ZCCHC2: variants seen among roughly 807,000 people sequenced by gnomAD.
ZCCHC2 encodes zinc finger CCHC domain-containing protein 2.
A neutral mutation model predicts 103.6 loss-of-function variants in ZCCHC2; 39 were observed. The ratio of observed to expected loss-of-function variants is 0.38; its 90% CI spans 0.29 to 0.49. The LOEUF (loss-of-function observed/expected upper bound fraction) is 0.49. ZCCHC2 is among the 20% of genes least tolerant of loss of function. ZCCHC2 has a pLI of 0.96. For synonymous variants in ZCCHC2, 687 were observed against 608.9 expected, an observed-to-expected ratio of 1.13 and a Z score of -1.89; for missense variants, 1,483 against 1,491.0, an observed-to-expected ratio of 0.99 and a Z score of 0.09.
At chr18:62,573,322 C>T (rs1456048333) in intron 12 of ZCCHC2, among the ~76,000 whole-genome samples, 1 of 152,050 alleles carries the variant, frequency 6.6e-6, no homozygotes, top group African/African-American at 2.4e-5. Context: ...GTCAGGACAT[C>T]CCCTGAAGGC....
intron 1 of ZCCHC2, among the ~76,000 whole-genome samples, chr18:62,533,193 C>A (rs367695072): frequency 6.6e-6 from 1 of 152,296 alleles, no homozygotes; most frequent in East Asian, 1.9e-4. Context: ...ATTGCTCAGT[C>A]ATAATTTCCT....
In ZCCHC2 at chr18:62,574,584, C is replaced by A; in HGVS notation, c.2503C>A (p.Pro835Thr). 6.2e-7 allele frequency: 1 copy of A among 1,614,016 alleles called. No individual in the cohort carries two copies. The highest frequency in any genetic ancestry group is 1.7e-5 in the Admixed American group (1 of 60,028). The part of the protein sequence containing the change: ...ESCTVNIPQQ[P>T]PGSLSIASPN... ...CTGCACAGTTAACATCCCACAACAA[C>A]CACCCGGAAGCCTGAGCATCGCATC... Residue 835 changes from proline to threonine, a missense_variant, in exon 13 of 14, where the codon CCA (proline) becomes ACA (threonine). Pro to Thr is a conservative substitution (Grantham distance 38). Around this residue, in one of 3 missense-constraint regions of ZCCHC2, gnomAD observed 884 missense variants for 907.5 expected, o/e 0.97. Coordinates refer to ENST00000269499, the MANE Select transcript of ZCCHC2 (RefSeq NM_017742.6).
At chr18:62,562,256 C>T (rs1916149335) in intron 8 of ZCCHC2, among the ~76,000 whole-genome samples, 1 of 152,092 alleles carries the variant, frequency 6.6e-6, no homozygotes, top group Non-Finnish European at 1.5e-5. Context: ...CCCACCTCAG[C>T]CTCCCAAAGT....
At chr18:62,557,308 A>G (rs1915929804) in intron 6 of ZCCHC2, among the ~76,000 whole-genome samples, 1 of 152,152 alleles carries the variant, frequency 6.6e-6, no homozygotes, top group Non-Finnish European at 1.5e-5. Flanking sequence ...GGCAAGGAAC[A>G]TTTTTCTTTT....
chr18:62,574,685 C>T lies in ZCCHC2; in HGVS notation c.2604C>T (p.Ile868=). 4 of 1,614,028 alleles carry T rather than the reference C, an allele frequency of 2.5e-6. No individual in the cohort carries two copies. The highest frequency in any genetic ancestry group is 3.4e-6 in the Non-Finnish European group (4 of 1,179,900). ...CTCCTGTTGCTACCACGGACCCCAT[C>T]ACAAAATCTGCATCCCAAGTGGTAG... The part of the protein sequence containing the change: ...PGSPVATTDP[I]TKSASQVVGL... Residue 868 remains isoleucine, a synonymous_variant, in exon 13 of 14, where the codon ATC becomes ATT. Transcript: ENST00000269499.
At position 62,574,736 on chromosome 18, in the gene ZCCHC2, T is replaced by A. The variant is rs751313881; in HGVS notation, c.2655T>A (p.Ile885=). 1 of 1,613,954 alleles carries A rather than the reference T, an allele frequency of 6.2e-7. No individual in the cohort carries two copies. Among genetic ancestry groups the A allele is most frequent in the Admixed American group, 1.7e-5 (1 of 60,018 alleles). The change falls in exon 13 of 14, where the codon ATT becomes ATA. Residue 885 remains isoleucine, a synonymous_variant. Coordinates refer to ENST00000269499, the MANE Select transcript of ZCCHC2 (RefSeq NM_017742.6). Reference sequence around the variant, plus strand: ...GACTCAATCAAATGGTGCCTCAAATTGAGGGAAACACAGGGACAGTCCCTC... The same window carrying A: ...GACTCAATCAAATGGTGCCTCAAATAGAGGGAAACACAGGGACAGTCCCTC... ...VVGLNQMVPQ[I]EGNTGTVPQP...
chr18:62,555,719 A>G (rs959409906), intron 5 of ZCCHC2, among the ~76,000 whole-genome samples: 5 of 152,182 alleles, frequency 3.3e-5, no homozygotes, highest in Admixed American at 1.3e-4. Context: ...GAGACAGGAG[A>G]ATAGCTTGAA....
intron 11 of ZCCHC2, among the ~76,000 whole-genome samples, chr18:62,566,973 T>C (rs537670339): frequency 6.6e-6 from 1 of 152,322 alleles, no homozygotes; most frequent in South Asian, 2.1e-4. Context: ...CAAACTCCCA[T>C]TCATTTTTTT....
Position 62,556,314 on chromosome 18 carries a change from C to G in ZCCHC2, c.1408+17C>G. The G allele has an allele frequency of 1.3e-6, 2 of 1,540,594 alleles. No homozygotes were observed. The highest frequency in any genetic ancestry group is 1.8e-6 in the Non-Finnish European group (2 of 1,136,622). Reference sequence around the variant, plus strand: ...ACAGTATCAGTAAGCATCCTCTGTCCCTCTGTGGAAATCTTTTTTCTTTGT... The same window carrying G: ...ACAGTATCAGTAAGCATCCTCTGTCGCTCTGTGGAAATCTTTTTTCTTTGT... On this transcript the variant is annotated intron_variant, in intron 6 of 13. Coordinates refer to ENST00000269499, the MANE Select transcript of ZCCHC2 (RefSeq NM_017742.6).
chr18:62,578,445 C>G lies in ZCCHC2; in HGVS notation c.*1866C>G, dbSNP rs2058065522. On this transcript the variant is annotated 3_prime_UTR_variant, in exon 14 of 14. Coordinates refer to ENST00000269499, the MANE Select transcript of ZCCHC2 (RefSeq NM_017742.6). Reference sequence around the variant, plus strand: ...TACATAGGAGGTATGTTACCTTCTCCTTATTTGTATGTTTACCATATACTT... The same window carrying G: ...TACATAGGAGGTATGTTACCTTCTCGTTATTTGTATGTTTACCATATACTT... 6.6e-6 allele frequency: 1 copy of G among 152,488 alleles called. No individual in the cohort carries two copies. Among genetic ancestry groups the G allele is most frequent in the Non-Finnish European group, 1.5e-5 (1 of 68,016 alleles). 9.4% of individuals were successfully genotyped at this position (152,488 alleles called of 1,614,324 possible). A position where few individuals can be genotyped will look rare whatever the true frequency, so the allele number is the denominator to read the frequency against.
At position 62,576,841 on chromosome 18, in the gene ZCCHC2, G is replaced by T; in HGVS notation, c.*262G>T. The T allele has an allele frequency of 4.1e-6, 1 of 244,006 alleles. No individual in the cohort carries two copies. Among genetic ancestry groups the T allele is most frequent in the Non-Finnish European group, 6.9e-6 (1 of 144,080 alleles). The allele number at this position is 244,006 out of a possible 1,614,324, so 15.1% of individuals were successfully genotyped here. A position where few individuals can be genotyped will look rare whatever the true frequency, so the allele number is the denominator to read the frequency against. On this transcript the variant is annotated 3_prime_UTR_variant, in exon 14 of 14. Coordinates refer to ENST00000269499, the MANE Select transcript of ZCCHC2 (RefSeq NM_017742.6). ...TTCAGACAAACTTAAATGTTGGTGC[G>T]TGCTTTTTTTTTTTTTTTTACACTG...
In ZCCHC2 at chr18:62,543,677, G is replaced by T. The variant is rs534497651; in HGVS notation, c.1128+1103G>T. On this transcript the variant is annotated intron_variant, in intron 3 of 13. Transcript: ENST00000269499. ...CTGGCTCTAAAGCTCCCTCCTCCGA[G>T]ATCCTTCTTGACACCCCAGTTCATG... Among the ~76,000 whole-genome samples, 207 of 152,246 alleles carry T rather than the reference G, an allele frequency of 1.4e-3. 1 individual carries two copies. The highest frequency in any genetic ancestry group is 4.8e-3 in the African/African-American group (200 of 41,540).
intron 8 of ZCCHC2, among the ~76,000 whole-genome samples, chr18:62,561,899 T>A (rs1916131318): frequency 1.3e-5 from 2 of 152,196 alleles, no homozygotes; most frequent in African/African-American, 4.8e-5. Context: ...GCTTTTTACT[T>A]CTTCAAATAT....
chr18:62,572,115 T>C (rs964746659), intron 12 of ZCCHC2, among the ~76,000 whole-genome samples: 2 of 152,204 alleles, frequency 1.3e-5, no homozygotes, highest in African/African-American at 4.8e-5. Context: ...AGGGTCTTGC[T>C]GTGTTGCCCA....
rs1916185942 is a variant in ZCCHC2 at position 62,562,868 on chromosome 18, T to TG, written c.1551-141_1551-140insG. The stretch of plus-strand genomic sequence containing the variant: ...AGTGGTTTATTTCTCATAGTATACT[T>TG]TTTTTTCTTAGACCTATCATTAGGC... On this transcript the variant is annotated intron_variant, in intron 8 of 13. Coordinates refer to ENST00000269499, the MANE Select transcript of ZCCHC2 (RefSeq NM_017742.6). 16 of 889,578 alleles carry TG rather than the reference T, an allele frequency of 1.8e-5. No individual in the cohort carries two copies. In the South Asian group the frequency reaches 3.1e-4, roughly 17 times the overall value. The allele number at this position is 889,578 out of a possible 1,614,324, so 55.1% of individuals were successfully genotyped here.
rs548199561 is a variant in ZCCHC2, at chr18:62,523,758, C to T, written c.334C>T (p.Leu112=). The change falls in exon 1 of 14, where the codon CTG becomes TTG. Residue 112 remains leucine (L), a synonymous_variant. Transcript: ENST00000269499. ...FGLVLGSAQR[L]EFMCGLLDLC... is the part of the protein sequence containing the mutation. ...GCTGGTGCTGGGCTCGGCGCAGCGCCTGGAGTTCATGTGCGGGCTGCTGGA... is the reference window on the plus strand; with the variant it reads ...GCTGGTGCTGGGCTCGGCGCAGCGCTTGGAGTTCATGTGCGGGCTGCTGGA... The T allele has an allele frequency of 7.2e-5, 111 of 1,532,994 alleles. No individual in the cohort carries two copies. The East Asian group carries it at 2.1e-3, about 30-fold the overall frequency. The allele number at this position is 1,532,994 out of a possible 1,614,324, so 95.0% of individuals were successfully genotyped here. A position where few individuals can be genotyped will look rare whatever the true frequency, so the allele number is the denominator to read the frequency against.
In ZCCHC2 at chr18:62,549,997, C is replaced by T. The variant is rs962502840; in HGVS notation, c.1201-351C>T. ...TAGTACTAGCTATGCTGAGCAGAAT[C>T]TTCACCTTAACTCGAGAACCTTAGC... On this transcript the variant is annotated intron_variant, in intron 4 of 13. Coordinates refer to ENST00000269499, the MANE Select transcript of ZCCHC2 (RefSeq NM_017742.6). 1.1e-4 allele frequency among the ~76,000 whole-genome samples: 17 copies of T among 152,332 alleles called. No homozygotes were observed. The East Asian group carries it at 2.7e-3, about 24-fold the overall frequency.
Position 62,577,588 on chromosome 18 carries a change from A to G in ZCCHC2, c.*1009A>G, listed in dbSNP as rs569210452. On this transcript the variant is annotated 3_prime_UTR_variant, in exon 14 of 14. Coordinates refer to ENST00000269499, the MANE Select transcript of ZCCHC2 (RefSeq NM_017742.6). ...CTGAACAGAGCTATGGGTTTCTACC[A>G]TAAGTCAGGTTGTTTGTTCCCTAAC... 5 of 152,758 alleles carry G rather than the reference A, an allele frequency of 3.3e-5. No individual in the cohort carries two copies. The South Asian group carries it at 6.2e-4, about 19-fold the overall frequency. 9.5% of individuals were successfully genotyped at this position (152,758 alleles called of 1,614,324 possible). A position where few individuals can be genotyped will look rare whatever the true frequency, so the allele number is the denominator to read the frequency against.
chr18:62,580,145 T>C (rs10469139), downstream of ZCCHC2, among the ~76,000 whole-genome samples: 23,297 of 152,298 alleles, frequency 0.15, 2,318 homozygotes, highest in Non-Finnish European at 0.22. Context: ...TTTCTGTGCC[T>C]GGCTCTGTTC....
Sources: allele counts gnomAD v4.1 joint callset (sites outside exome capture counted in the v4.1 genomes callset), GRCh38; gene constraint gnomAD v4.1.1; regional missense constraint gnomAD v4.1.1; transcripts MANE v1.5; gene names NCBI Gene and HGNC (gene_info 2026-07-23, HGNC 2026-07-21).